CDKN3: variants seen among roughly 807,000 people sequenced by gnomAD.
CDKN3 encodes the protein cyclin-dependent kinase inhibitor 3.
A neutral mutation model predicts 36.1 loss-of-function variants in CDKN3; 19 were observed. That is an observed-to-expected ratio of 0.53 (90% CI 0.37 to 0.77). The LOEUF (loss-of-function observed/expected upper bound fraction) is 0.77, where lower values mean the gene tolerates loss of function less well. CDKN3 is among the 30% of genes least tolerant of loss of function. The pLI is 0.00. For synonymous variants in CDKN3, 71 were observed against 85.3 expected (o/e 0.83, Z 0.92); for missense variants, 188 against 248.6 (o/e 0.76, Z 1.64).
Position 54,402,025 on chromosome 14 carries a change from T to C in CDKN3, c.148+446T>C, listed in dbSNP as rs532504029. ...AAGATAGAGACTATCCTGGACAACA[T>C]GGTGAAACCCCGTCTCTACTAAAAA... On this transcript the variant is annotated intron_variant, in intron 3 of 7. Coordinates refer to ENST00000335183, the MANE Select transcript of CDKN3 (RefSeq NM_005192.4). 7.2e-5 allele frequency among the ~76,000 whole-genome samples: 11 copies of C among 152,186 alleles called. 1 individual carries two copies. Among genetic ancestry groups the C allele is most frequent in the African/African-American group, 2.6e-4 (11 of 41,518 alleles).
At chr14:54,407,670 C>A (rs1377254473) in intron 3 of CDKN3, among the ~76,000 whole-genome samples, 2 of 152,182 alleles carry the variant, frequency 1.3e-5, no homozygotes, top group African/African-American at 4.8e-5. Context: ...CCCACTCAAG[C>A]CTCAATAATG....
In CDKN3 at chr14:54,411,660, G is replaced by A; in HGVS notation, c.370G>A (p.Glu124Lys). The A allele has an allele frequency of 6.2e-7, 1 of 1,613,966 alleles. No homozygotes were observed. The highest frequency in any genetic ancestry group is 8.5e-7 in the Non-Finnish European group (1 of 1,179,906). Residue 124 changes from glutamate to lysine, a missense_variant, in exon 5 of 8, where the codon GAA becomes AAA. Transcript: ENST00000335183. The part of the protein sequence containing the change: ...PDIASCCEIM[E>K]ELTTCLKNYR... ...CATAGCCAGCTGCTGTGAAATAATG[G>A]AAGAGCTTACAACCTGCCTTAAAAA...
chr14:54,419,627 A>T (rs2030662178), intron 7 of CDKN3, among the ~76,000 whole-genome samples: 1 of 152,222 alleles, frequency 6.6e-6, no homozygotes, highest in Non-Finnish European at 1.5e-5. Context: ...GTTACTTGCT[A>T]CAGAAAGTGC....
chr14:54,411,361 A>C lies in CDKN3; in HGVS notation c.194-123A>C, dbSNP rs575963083. The C allele has an allele frequency of 2.7e-4, 191 of 696,840 alleles. 1 individual carries two copies. In the South Asian group the frequency reaches 3.4e-3, roughly 12 times the overall value. The allele number at this position is 696,840 out of a possible 1,614,324, so 43.2% of individuals were successfully genotyped here. ...ACATATCAATAGGCACTTCAGATTT[A>C]TAGATTGTCATTTGGTATTAGTTTG... is the stretch of plus-strand genomic sequence containing the variant. On this transcript the variant is annotated intron_variant, in intron 4 of 7. Coordinates refer to ENST00000335183, the MANE Select transcript of CDKN3 (RefSeq NM_005192.4).
At chr14:54,419,275 T>C (rs913491234) in intron 7 of CDKN3, among the ~76,000 whole-genome samples, 8 of 152,224 alleles carry the variant, frequency 5.3e-5, no homozygotes, top group Admixed American at 2.6e-4. Flanking sequence ...GTTTTACATC[T>C]TTAACATTGC....
intron 5 of CDKN3, chr14:54,413,626 G>A (rs913106587): frequency 2.0e-5 from 30 of 1,535,080 alleles, no homozygotes; most frequent in Middle Eastern, 1.7e-4. Flanking sequence ...GGTGTCCTAC[G>A]GTGACTAGTT....
chr14:54,412,110 G>A (rs893906174), intron 5 of CDKN3, among the ~76,000 whole-genome samples: 4 of 152,188 alleles, frequency 2.6e-5, no homozygotes, highest in African/African-American at 9.7e-5. Context: ...GCCAGGTGCA[G>A]TGGCTCGCGC....
intron 1 of CDKN3, 114 bp from the exon 2 acceptor site, chr14:54,399,780 T>C: frequency 1.4e-6 from 1 of 690,188 alleles, no homozygotes; most frequent in East Asian, 2.6e-5. Flanking sequence ...TATTCTGGAT[T>C]GATGGCTGAA....
At chr14:54,416,764 G>A (rs1280171427) in intron 6 of CDKN3, among the ~76,000 whole-genome samples, 2 of 152,118 alleles carry the variant, frequency 1.3e-5, no homozygotes, top group Non-Finnish European at 1.5e-5. Flanking sequence ...CCAGTGAACC[G>A]AGTTTACACC....
At chr14:54,413,684 GCTATA>G (rs2030436346) in intron 5 of CDKN3, 1 of 1,534,922 alleles carries the variant, frequency 6.5e-7, no homozygotes, top group African/African-American at 1.4e-5. Flanking sequence ...CTTCTAGACA[GCTATA>G]GAGCTTATCC....
chr14:54,397,478 A>G (rs1028275858), intron 1 of CDKN3, among the ~76,000 whole-genome samples: 8 of 152,266 alleles, frequency 5.3e-5, no homozygotes, highest in Non-Finnish European at 1.2e-4. Flanking sequence ...CTGCGCCCAC[A>G]GGGCCTGGGG....
chr14:54,404,529 G>A (rs956231946), intron 3 of CDKN3, among the ~76,000 whole-genome samples: 12 of 151,824 alleles, frequency 7.9e-5, no homozygotes, highest in African/African-American at 2.9e-4. Context: ...TTTTTTGAAT[G>A]GCTTTTTATG....
intron 3 of CDKN3, 193 bp from the exon 4 acceptor site, chr14:54,408,552 T>C: frequency 1.6e-6 from 1 of 630,336 alleles, no homozygotes; most frequent in Admixed American, 4.1e-5. Context: ...GAATACAGAA[T>C]CCTTGCTTAG....
chr14:54,401,998 A>G (rs1347994631), intron 3 of CDKN3, among the ~76,000 whole-genome samples: 1 of 152,176 alleles, frequency 6.6e-6, no homozygotes, highest in Non-Finnish European at 1.5e-5. Context: ...TCACGAAGTC[A>G]GAAGATAGAG....
At chr14:54,404,027 G>T (rs1344560365) in intron 3 of CDKN3, among the ~76,000 whole-genome samples, 5 of 152,150 alleles carry the variant, frequency 3.3e-5, no homozygotes, top group Non-Finnish European at 7.3e-5. Context: ...CCAGGTTTTG[G>T]TATCAGGATG....
rs772830597 is a variant in CDKN3 at position 54,411,665 on chromosome 14, G to C, written c.375G>C (p.Glu125Asp). Reference sequence around the variant, plus strand: ...CCAGCTGCTGTGAAATAATGGAAGAGCTTACAACCTGCCTTAAAAATTACC... The same window carrying C: ...CCAGCTGCTGTGAAATAATGGAAGACCTTACAACCTGCCTTAAAAATTACC... ...DIASCCEIME[E>D]LTTCLKNYRK... Residue 125 changes from glutamate (E) to aspartate (D), a missense_variant, in exon 5 of 8, where the codon GAG becomes GAC. By Grantham distance (45) the Glu-to-Asp change is conservative. Coordinates refer to ENST00000335183, the MANE Select transcript of CDKN3 (RefSeq NM_005192.4). 4.3e-6 allele frequency: 7 copies of C among 1,613,846 alleles called. No individual in the cohort carries two copies. The Middle Eastern group carries it at 9.9e-4, about 228-fold the overall frequency.
At chr14:54,405,330 G>C (rs1352088461) in intron 3 of CDKN3, among the ~76,000 whole-genome samples, 1 of 152,182 alleles carries the variant, frequency 6.6e-6, no homozygotes, top group African/African-American at 2.4e-5. Flanking sequence ...ATTTGGGGTG[G>C]AGAGTTCTGT....
rs368234511 is a variant in CDKN3 at position 54,420,087 on chromosome 14, A to C, written c.*9A>C. On this transcript the variant is annotated 3_prime_UTR_variant, in exon 8 of 8. Transcript: ENST00000335183. ...GATCTGTATCAAGATAAAGGAATTC[A>C]AATAGCATATATATGACCATGTCTG... The C allele has an allele frequency of 2.7e-5, 39 of 1,465,660 alleles. No homozygotes were observed. The highest frequency in any genetic ancestry group is 3.5e-4 in the Middle Eastern group (2 of 5,760). 90.8% of individuals were successfully genotyped at this position (1,465,660 alleles called of 1,614,324 possible).
At chr14:54,414,118 A>C (rs945419942) in intron 5 of CDKN3, 1 of 156,606 alleles carries the variant, frequency 6.4e-6, no homozygotes, top group South Asian at 2.0e-4. Context: ...GTGTAAGGAC[A>C]CTAGTCATCT....
Sources: allele counts gnomAD v4.1 joint callset (sites outside exome capture counted in the v4.1 genomes callset), GRCh38; gene constraint gnomAD v4.1.1; transcripts MANE v1.5; gene names NCBI Gene and HGNC (gene_info 2026-07-23, HGNC 2026-07-21).